Variants in ZNF140 observed in about 807,000 individuals in gnomAD.
The protein encoded by ZNF140 is zinc finger protein 140.
A neutral mutation model predicts 12.9 loss-of-function variants in ZNF140; 13 were observed. That is an observed-to-expected ratio of 1.01 (90% CI 0.66 to 1.60). The LOEUF is 1.60. Ranked by LOEUF, ZNF140 falls within the 40% of genes most tolerant of loss-of-function variation. The pLI is 0.00. For missense variants in ZNF140, 531 were observed against 548.8 expected, an observed-to-expected ratio of 0.97 and a Z score of 0.32; for synonymous variants, 214 against 186.7, an observed-to-expected ratio of 1.15 and a Z score of -1.19.
chr12:133,080,616 GTTCT>G (rs1954434947), upstream of ZNF140: 2 of 152,450 alleles, frequency 1.3e-5, no homozygotes, highest in South Asian at 2.1e-4. Context: ...TAGGACCCGG[GTTCT>G]TTGTTTCTCG....
At chr12:133,087,837 T>A in intron 4 of ZNF140, among the ~76,000 whole-genome samples, 1 of 152,124 alleles carries the variant, frequency 6.6e-6, no homozygotes, top group Non-Finnish European at 1.5e-5. Flanking sequence ...ATCTTTATTA[T>A]ACAAATAATA....
rs1052007375 is a variant in ZNF140, at chr12:133,092,326, A to G, written c.232+8765A>G. On this transcript the variant is annotated intron_variant, in intron 4 of 4. Transcript: ENST00000355557. ...CACCCTCTCTTGCCCTCACTAACAG[A>G]ATACGATGCTGCCAATCAAAAGTTG... 2.2e-3 allele frequency among the ~76,000 whole-genome samples: 337 copies of G among 151,198 alleles called. 15 individuals are homozygous for G. Among genetic ancestry groups the G allele is most frequent in the African/African-American group, 7.8e-3 (320 of 40,844 alleles).
chr12:133,090,790 A>T (rs1000535529), intron 4 of ZNF140, among the ~76,000 whole-genome samples: 1 of 139,948 alleles, frequency 7.1e-6, no homozygotes, highest in Non-Finnish European at 1.6e-5. Flanking sequence ...GGTCAGCAAA[A>T]AACATGTGAG....
Position 133,106,986 on chromosome 12 carries a change from A to G in ZNF140, c.*335A>G, listed in dbSNP as rs1955624072. 1.1e-5 allele frequency: 2 copies of G among 177,686 alleles called. No individual in the cohort carries two copies. The highest frequency in any genetic ancestry group is 2.4e-5 in the Non-Finnish European group (2 of 84,248). 11.0% of individuals were successfully genotyped at this position (177,686 alleles called of 1,614,324 possible). On this transcript the variant is annotated 3_prime_UTR_variant, in exon 5 of 5. Coordinates refer to ENST00000355557, the MANE Select transcript of ZNF140 (RefSeq NM_003440.4). ...TACCAGGAAAGAATACATATCCAAT[A>G]GATTGGAGAAAGCCAGAGATTAGCC... is the stretch of plus-strand genomic sequence containing the variant.
intron 4 of ZNF140, among the ~76,000 whole-genome samples, chr12:133,103,032 T>G (rs2137575519): frequency 6.7e-6 from 1 of 148,504 alleles, no homozygotes; most frequent in East Asian, 1.9e-4. Context: ...TTTCTTCTTT[T>G]TAATTGACAC....
chr12:133,106,095 A>G lies in ZNF140; in HGVS notation c.818A>G (p.Tyr273Cys). 2 of 1,614,134 alleles carry G rather than the reference A, an allele frequency of 1.2e-6. No homozygotes were observed. The highest frequency in any genetic ancestry group is 2.2e-5 in the East Asian group (1 of 44,890). Reference protein sequence around the residue: ...HQRIHIGKKQYICRKCGKAFS... With the variant: ...HQRIHIGKKQCICRKCGKAFS... ...AGAATTCACATAGGAAAGAAACAAT[A>G]TATATGTAGGAAATGTGGTAAAGCA... Residue 273 changes from tyrosine to cysteine, a missense_variant, in exon 5 of 5, where the codon TAT becomes TGT. Coordinates refer to ENST00000355557, the MANE Select transcript of ZNF140 (RefSeq NM_003440.4).
At chr12:133,083,988 A>G (rs1445926320) in intron 4 of ZNF140, 12 of 287,336 alleles carry the variant, frequency 4.2e-5, no homozygotes, top group Non-Finnish European at 6.7e-5. Flanking sequence ...CCAGAGGTAT[A>G]AAGACTGAAG....
intron 4 of ZNF140, chr12:133,084,199 T>A (rs1338157408): frequency 2.3e-6 from 1 of 431,250 alleles, no homozygotes. Flanking sequence ...TTTCTTCAAA[T>A]GGACATACAT....
intron 4 of ZNF140, among the ~76,000 whole-genome samples, chr12:133,087,245 A>C (rs1197103889): frequency 6.6e-6 from 1 of 152,114 alleles, no homozygotes; most frequent in African/African-American, 2.4e-5. Flanking sequence ...GACATGAAGA[A>C]GACTGAGAAG....
intron 4 of ZNF140, among the ~76,000 whole-genome samples, chr12:133,103,016 C>G (rs753824792): frequency 2.6e-4 from 40 of 151,896 alleles, no homozygotes; most frequent in Non-Finnish European, 5.6e-4. Flanking sequence ...GCAATTAACC[C>G]CATTTTTTCT....
In ZNF140 at chr12:133,106,472, T is replaced by TC; in HGVS notation, c.1198dup (p.Leu400ProfsTer17). 3 of 1,614,052 alleles carry TC rather than the reference T, an allele frequency of 1.9e-6. No individual in the cohort carries two copies. Among genetic ancestry groups the TC allele is most frequent in the Non-Finnish European group, 2.5e-6 (3 of 1,179,988 alleles). The stretch of plus-strand genomic sequence containing the variant: ...TGATAAAGCCTTCAGCCGGAGCTTT[T>TC]CCCTCATTCTACATCAGAGAACTCA... On this transcript the variant is annotated frameshift_variant, in exon 5 of 5. Transcript: ENST00000355557. LOFTEE classifies it low-confidence loss of function (END_TRUNC).
At chr12:133,101,634 C>T (rs1311859289) in intron 4 of ZNF140, among the ~76,000 whole-genome samples, 7 of 151,974 alleles carry the variant, frequency 4.6e-5, no homozygotes, top group African/African-American at 9.7e-5. Flanking sequence ...TTAGTAGAGA[C>T]GGGTTTCACT....
At chr12:133,083,639 T>C (rs1305820044) in intron 4 of ZNF140, 78 bp downstream of exon 4, 4 of 1,384,704 alleles carry the variant, frequency 2.9e-6, no homozygotes, top group African/African-American at 2.9e-5. Flanking sequence ...CTTTTTAATA[T>C]GTTGATTGGA....
chr12:133,085,077 T>G (rs1313767248), intron 4 of ZNF140, among the ~76,000 whole-genome samples: 1 of 151,688 alleles, frequency 6.6e-6, no homozygotes, highest in Non-Finnish European at 1.5e-5. Context: ...TAGGCTGGAG[T>G]GCGATGGCGC....
At chr12:133,092,610 GACTA>G (rs1389738525) in intron 4 of ZNF140, among the ~76,000 whole-genome samples, 7 of 151,164 alleles carry the variant, frequency 4.6e-5, no homozygotes, top group East Asian at 1.9e-4. Context: ...CCAACAACAG[GACTA>G]ACTAACTTTG....
At chr12:133,081,373 A>ATATTT (rs1481354616) in intron 2 of ZNF140, 44 bp downstream of exon 2, 4 of 223,826 alleles carry the variant, frequency 1.8e-5, no homozygotes, top group African/African-American at 1.1e-4. Context: ...ATATATATAA[A>ATATTT]TTTTTATTTT....
At position 133,081,291 on chromosome 12, in the gene ZNF140, T is replaced by C; in HGVS notation, c.-30T>C. ...CTGCCAGGTCTGCCATTTTACACTT[T>C]TCTGATCTCCTCCTTCCCTTCTGTG... On this transcript the variant is annotated 5_prime_UTR_variant, in exon 2 of 5. Coordinates refer to ENST00000355557, the MANE Select transcript of ZNF140 (RefSeq NM_003440.4). The C allele has an allele frequency of 2.6e-6, 4 of 1,540,752 alleles. No homozygotes were observed. The South Asian group carries it at 3.4e-5, about 13-fold the overall frequency.
At chr12:133,085,333 A>C (rs1328510723) in intron 4 of ZNF140, among the ~76,000 whole-genome samples, 1 of 152,198 alleles carries the variant, frequency 6.6e-6, no homozygotes, top group African/African-American at 2.4e-5. Context: ...TAATTCTACT[A>C]CTTTAACACA....
intron 4 of ZNF140, among the ~76,000 whole-genome samples, chr12:133,100,576 A>G (rs919640189): frequency 1.3e-5 from 2 of 152,122 alleles, no homozygotes; most frequent in African/African-American, 2.4e-5. Context: ...TCTTCTTCAT[A>G]TGAATAGAAG....
Sources: allele counts gnomAD v4.1 joint callset (sites outside exome capture counted in the v4.1 genomes callset), GRCh38; gene constraint gnomAD v4.1.1; transcripts MANE v1.5; gene names NCBI Gene and HGNC (gene_info 2026-07-23, HGNC 2026-07-21).